Variants in PCDH9 observed in about 807,000 individuals in gnomAD.
PCDH9 encodes protocadherin 9.
In PCDH9, 24 loss-of-function variants were observed where a neutral mutation model predicts 70.6. The ratio of observed to expected loss-of-function variants is 0.34; its 90% CI spans 0.25 to 0.48. The LOEUF (loss-of-function observed/expected upper bound fraction) is 0.48, where lower values mean the gene tolerates loss of function less well. Ranked by LOEUF, PCDH9 falls within the 20% of genes least tolerant of loss-of-function variation. The pLI is 0.99. For synonymous variants in PCDH9, 562 were observed against 558.5 expected (o/e 1.01, Z -0.09); for missense variants, 1,281 against 1,503.6 (o/e 0.85, Z 2.45).
At chr13:66,340,832 C>G (rs190942222) in intron 4 of PCDH9, among the ~76,000 whole-genome samples, 1 of 152,088 alleles carries the variant, frequency 6.6e-6, no homozygotes, top group African/African-American at 2.4e-5. Flanking sequence ...TTTACAAAAT[C>G]TGAATTACTA....
At chr13:66,791,789 C>T (rs554991409) in intron 3 of PCDH9, among the ~76,000 whole-genome samples, 5 of 152,182 alleles carry the variant, frequency 3.3e-5, no homozygotes, top group African/African-American at 9.6e-5. Flanking sequence ...GTTTTCTAAA[C>T]ATATATAAAC....
At chr13:67,102,952 A>G (rs950180286) in intron 2 of PCDH9, among the ~76,000 whole-genome samples, 1 of 152,156 alleles carries the variant, frequency 6.6e-6, no homozygotes, top group Non-Finnish European at 1.5e-5. Flanking sequence ...TACACTTTCT[A>G]TACAGTAGGT....
At chr13:66,744,615 C>T (rs772759419) in intron 3 of PCDH9, among the ~76,000 whole-genome samples, 1 of 151,870 alleles carries the variant, frequency 6.6e-6, no homozygotes, top group Admixed American at 6.6e-5. Context: ...TAAGCAAATG[C>T]TAATAATAGG....
At chr13:66,549,270 G>A (rs535913128) in intron 4 of PCDH9, among the ~76,000 whole-genome samples, 1 of 152,184 alleles carries the variant, frequency 6.6e-6, no homozygotes, top group South Asian at 2.1e-4. Flanking sequence ...TTGTTAAGAA[G>A]TTGGAGTTTT....
At chr13:66,535,345 T>A (rs907879450) in intron 4 of PCDH9, among the ~76,000 whole-genome samples, 1 of 151,978 alleles carries the variant, frequency 6.6e-6, no homozygotes, top group Non-Finnish European at 1.5e-5. Context: ...TGAAATTTTT[T>A]AAAAAAAGAA....
chr13:66,889,609 C>T (rs1312722804), intron 3 of PCDH9, among the ~76,000 whole-genome samples: 1 of 152,118 alleles, frequency 6.6e-6, no homozygotes, highest in Non-Finnish European at 1.5e-5. Context: ...TCCCTGCTCC[C>T]AACTCCTTGT....
chr13:66,727,012 C>CCAAA (rs2139165579), intron 3 of PCDH9, among the ~76,000 whole-genome samples: 1 of 152,234 alleles, frequency 6.6e-6, no homozygotes, highest in South Asian at 2.1e-4. Flanking sequence ...AATCCAGGTG[C>CCAAA]TTTGAGAGGC....
chr13:67,080,374 G>A (rs1042020723), intron 2 of PCDH9, among the ~76,000 whole-genome samples: 3 of 152,008 alleles, frequency 2.0e-5, no homozygotes, highest in South Asian at 4.1e-4. Flanking sequence ...TCCTATCCAC[G>A]TATTTCACCT....
At chr13:67,104,791 C>T (rs574220084) in intron 2 of PCDH9, among the ~76,000 whole-genome samples, 1 of 152,276 alleles carries the variant, frequency 6.6e-6, no homozygotes, top group South Asian at 2.1e-4. Flanking sequence ...CCTTGTGATC[C>T]ACCCACCTCA....
intron 4 of PCDH9, among the ~76,000 whole-genome samples, chr13:66,561,279 A>C (rs1440674040): frequency 6.6e-6 from 1 of 152,174 alleles, no homozygotes; most frequent in Non-Finnish European, 1.5e-5. Flanking sequence ...CGGGACCTGC[A>C]GCCCGCCATG....
At position 67,226,774 on chromosome 13, in the gene PCDH9, G is replaced by A. The variant is rs753210691; in HGVS notation, c.1667C>T (p.Ala556Val). The A allele has an allele frequency of 2.0e-5, 32 of 1,613,866 alleles. No homozygotes were observed. Among genetic ancestry groups the A allele is most frequent in the East Asian group, 4.5e-5 (2 of 44,882 alleles). The change falls in exon 2 of 5, where the codon GCG becomes GTG. Residue 556 changes from alanine (A) to valine (V), a missense_variant. This residue lies in a region of PCDH9 where 798 missense variants were observed against 1,003.1 expected (regional missense o/e 0.80). Transcript: ENST00000377865. This position sits in a 1 kb window ranked among gnomAD's most constrained non-coding sequence, Gnocchi z 5.0. Reference protein sequence around the residue: ...DNGTPPLQSQAAVIVTVLDEN... With the variant: ...DNGTPPLQSQVAVIVTVLDEN... ...ATCCAGAACAGTAACAATCACAGCC[G>A]CTTGGCTTTGGAGGGGAGGGGTCCC...
chr13:67,188,538 A>G (rs1034119250), intron 2 of PCDH9, among the ~76,000 whole-genome samples: 3 of 152,084 alleles, frequency 2.0e-5, no homozygotes, highest in Admixed American at 1.3e-4. Flanking sequence ...GTTAATTTCA[A>G]TAAGTTATTT....
chr13:66,985,222 C>A (rs1441960906), intron 2 of PCDH9, among the ~76,000 whole-genome samples: 3 of 152,166 alleles, frequency 2.0e-5, no homozygotes, highest in South Asian at 2.1e-4. Flanking sequence ...AATATATATT[C>A]TTTCTGTCTT....
At chr13:67,074,905 T>C (rs1007650100) in intron 2 of PCDH9, among the ~76,000 whole-genome samples, 21 of 152,214 alleles carry the variant, frequency 1.4e-4, no homozygotes, top group African/African-American at 4.8e-4. Flanking sequence ...CTTGAGAATA[T>C]AATTGCCTGG....
chr13:66,973,520 T>A (rs190745146), intron 2 of PCDH9, among the ~76,000 whole-genome samples: 21 of 151,974 alleles, frequency 1.4e-4, no homozygotes, highest in African/African-American at 4.6e-4. Flanking sequence ...ACAGAATGGG[T>A]GTCTAGGCCA....
intron 2 of PCDH9, among the ~76,000 whole-genome samples, chr13:67,159,640 T>C (rs2138412698): frequency 6.6e-6 from 1 of 152,332 alleles, no homozygotes. Context: ...CATTAAAACC[T>C]TTAAGATAAC....
At chr13:66,354,541 T>C (rs1956347334) in intron 4 of PCDH9, among the ~76,000 whole-genome samples, 1 of 152,150 alleles carries the variant, frequency 6.6e-6, no homozygotes, top group African/African-American at 2.4e-5. Flanking sequence ...TCTGTTTCTT[T>C]TTAACATAAT....
chr13:66,721,857 C>A (rs956119980), intron 3 of PCDH9, among the ~76,000 whole-genome samples: 6 of 152,172 alleles, frequency 3.9e-5, no homozygotes, highest in Non-Finnish European at 8.8e-5. Flanking sequence ...GTGCTGCTCT[C>A]ATTCTGCCTC....
intron 3 of PCDH9, among the ~76,000 whole-genome samples, chr13:66,883,564 T>C (rs1245473592): frequency 6.6e-6 from 1 of 152,206 alleles, no homozygotes; most frequent in African/African-American, 2.4e-5. Flanking sequence ...CTTGAAATAA[T>C]GGTTCTAAGC....
Sources: allele counts gnomAD v4.1 joint callset (sites outside exome capture counted in the v4.1 genomes callset), GRCh38; gene constraint gnomAD v4.1.1; regional missense constraint gnomAD v4.1.1; non-coding constraint Gnocchi (gnomAD v3.1); transcripts MANE v1.5; gene names NCBI Gene and HGNC (gene_info 2026-07-23, HGNC 2026-07-21).